The following GDF10 variants were observed in gnomAD, a reference collection of about 807,000 sequenced individuals.
The protein encoded by GDF10 is growth differentiation factor 10, also known as growth/differentiation factor 10.
Under a neutral mutation model 32.1 loss-of-function variants are expected in GDF10, and 23 were observed. The ratio of observed to expected loss-of-function variants is 0.72; its 90% CI spans 0.52 to 1.02. GDF10 has a LOEUF of 1.02. GDF10 is among the 50% of genes least tolerant of loss of function. The probability of loss-of-function intolerance (pLI) is 0.00; values close to 1 mark genes in which losing one functional copy is unlikely to be tolerated. For synonymous variants in GDF10, 328 were observed against 303.1 expected, an observed-to-expected ratio of 1.08 and a Z score of -0.85; for missense variants, 764 against 673.9, an observed-to-expected ratio of 1.13 and a Z score of -1.48.
rs565762148 is a variant in GDF10, at chr10:47,304,045, A to G, written c.319+3075A>G. On this transcript the variant is annotated intron_variant, in intron 1 of 2. Coordinates refer to ENST00000580279, the MANE Select transcript of GDF10 (RefSeq NM_004962.5). The stretch of plus-strand genomic sequence containing the variant: ...GGGTGCTGCGGGAGCCCAAAGGCGC[A>G]CTGACCTGGCAGGGGCAGAGCCTCT... 3.9e-5 allele frequency among the ~76,000 whole-genome samples: 6 copies of G among 152,284 alleles called. No individual in the cohort carries two copies. The South Asian group carries it at 1.2e-3, about 32-fold the overall frequency.
chr10:47,309,294 G>A (rs1027866489), intron 1 of GDF10, among the ~76,000 whole-genome samples: 1 of 152,238 alleles, frequency 6.6e-6, no homozygotes, highest in African/African-American at 2.4e-5. Flanking sequence ...GGTTTAATGT[G>A]AAGTGTATTT....
rs1467620538 is a variant in GDF10, at chr10:47,300,480, G to A, written c.-172G>A. The A allele has an allele frequency of 6.3e-5, 35 of 552,240 alleles. No individual in the cohort carries two copies. The highest frequency in any genetic ancestry group is 1.0e-4 in the Non-Finnish European group (34 of 329,638). 34.2% of individuals were successfully genotyped at this position (552,240 alleles called of 1,614,324 possible). A position where few individuals can be genotyped will look rare whatever the true frequency, so the allele number is the denominator to read the frequency against. On this transcript the variant is annotated 5_prime_UTR_variant, in exon 1 of 3. Transcript: ENST00000580279. ...GCCGGTACCCACGGACCGCGCGCCC[G>A]GGTGCCTGCTCCGCTAAGCCCCTCG...
At chr10:47,311,652 G>C (rs782393478) in intron 2 of GDF10, among the ~76,000 whole-genome samples, 5 of 152,350 alleles carry the variant, frequency 3.3e-5, no homozygotes, top group Non-Finnish European at 7.3e-5. Context: ...CTGACATAGA[G>C]ACGGAGCCTG....
In GDF10 at chr10:47,312,749, A is replaced by T; in HGVS notation, c.1394A>T (p.Lys465Met). The T allele has an allele frequency of 6.2e-7, 1 of 1,605,310 alleles. No homozygotes were observed. The highest frequency in any genetic ancestry group is 1.1e-5 in the South Asian group (1 of 89,060). The change falls in exon 3 of 3, where the codon AAG becomes ATG. Residue 465 changes from lysine (K) to methionine (M), a missense_variant. Lys to Met is a moderately conservative substitution (Grantham distance 95). Transcript: ENST00000580279. The stretch of plus-strand genomic sequence containing the variant: ...GATGAGAATCGGAATGTGGTTCTGA[A>T]GGTGTACCCCAACATGTCCGTGGAC... ...FLDENRNVVL[K>M]VYPNMSVDTC...
chr10:47,304,319 G>T (rs868910504), intron 1 of GDF10, among the ~76,000 whole-genome samples: 11 of 151,914 alleles, frequency 7.2e-5, no homozygotes, highest in Non-Finnish European at 2.9e-5. Flanking sequence ...AATATACAAC[G>T]TGCATGCGTA....
In GDF10 at chr10:47,300,759, G is replaced by T; in HGVS notation, c.108G>T (p.Arg36Ser). The T allele has an allele frequency of 6.4e-7, 1 of 1,565,620 alleles. No homozygotes were observed. Among genetic ancestry groups the T allele is most frequent in the Non-Finnish European group, 8.6e-7 (1 of 1,160,262 alleles). Reference protein sequence around the residue: ...LLLRDVAGSHRAPAWSALPAA... With the variant: ...LLLRDVAGSHSAPAWSALPAA... ...TCCGGGATGTGGCCGGCAGCCACAG[G>T]GCCCCCGCCTGGTCCGCACTGCCCG... Residue 36 changes from arginine to serine, a missense_variant, in exon 1 of 3, where the codon AGG becomes AGT. Coordinates refer to ENST00000580279, the MANE Select transcript of GDF10 (RefSeq NM_004962.5).
In GDF10 at chr10:47,312,690, C is replaced by A; in HGVS notation, c.1335C>A (p.Pro445=). The change falls in exon 3 of 3, where the codon CCC becomes CCA. Residue 445 remains proline (P), a synonymous_variant. Coordinates refer to ENST00000580279, the MANE Select transcript of GDF10 (RefSeq NM_004962.5). The part of the protein sequence containing the change: ...IPGIPEPCCV[P]DKMNSLGVLF... ...GCATCCCAGAGCCCTGCTGTGTTCC[C>A]GATAAGATGAACTCCCTTGGGGTCC... 6.2e-7 allele frequency: 1 copy of A among 1,610,278 alleles called. No individual in the cohort carries two copies. Among genetic ancestry groups the A allele is most frequent in the Admixed American group, 1.7e-5 (1 of 59,704 alleles).
chr10:47,302,016 C>T (rs898800794), intron 1 of GDF10, among the ~76,000 whole-genome samples: 2 of 152,222 alleles, frequency 1.3e-5, no homozygotes, highest in African/African-American at 4.8e-5. Flanking sequence ...CAAAGAGGCC[C>T]CATGCCCTCC....
chr10:47,310,802 T>C (rs1388675741), intron 2 of GDF10, 81 bp downstream of exon 2: 2 of 940,284 alleles, frequency 2.1e-6, no homozygotes, highest in Non-Finnish European at 1.7e-6. Flanking sequence ...GCAGGACTTC[T>C]GTTTCCCCAT....
chr10:47,305,334 T>C (rs1271892295), intron 1 of GDF10, among the ~76,000 whole-genome samples: 1 of 152,172 alleles, frequency 6.6e-6, no homozygotes, highest in Non-Finnish European at 1.5e-5. Context: ...GTGCAAATAC[T>C]CTATCCAGTT....
In GDF10 at chr10:47,300,793, G is replaced by T; in HGVS notation, c.142G>T (p.Asp48Tyr). Residue 48 changes from aspartate (D) to tyrosine (Y), a missense_variant, in exon 1 of 3, where the codon GAC (aspartate) becomes TAC (tyrosine). Coordinates refer to ENST00000580279, the MANE Select transcript of GDF10 (RefSeq NM_004962.5). Reference protein sequence around the residue: ...PAWSALPAAADGLQGDRDLQR... With the variant: ...PAWSALPAAAYGLQGDRDLQR... ...CTGGTCCGCACTGCCCGCGGCCGCC[G>T]ACGGCCTGCAGGGGGACAGGGATCT... 1 of 1,566,902 alleles carries T rather than the reference G, an allele frequency of 6.4e-7. No individual in the cohort carries two copies. Among genetic ancestry groups the T allele is most frequent in the Non-Finnish European group, 8.6e-7 (1 of 1,161,886 alleles).
Position 47,300,797 on chromosome 10 carries a change from G to T in GDF10, c.146G>T (p.Gly49Val), listed in dbSNP as rs781986457. 1.0e-5 allele frequency: 16 copies of T among 1,567,038 alleles called. No individual in the cohort carries two copies. In the East Asian group the frequency reaches 3.5e-4, roughly 34 times the overall value. ...AWSALPAAADGLQGDRDLQRH... is the reference protein window; with the variant it reads ...AWSALPAAADVLQGDRDLQRH... ...TCCGCACTGCCCGCGGCCGCCGACG[G>T]CCTGCAGGGGGACAGGGATCTCCAG... Residue 49 changes from glycine (G) to valine (V), a missense_variant, in exon 1 of 3, where the codon GGC (glycine) becomes GTC (valine). Gly to Val is a moderately radical substitution (Grantham distance 109). Coordinates refer to ENST00000580279, the MANE Select transcript of GDF10 (RefSeq NM_004962.5).
intron 1 of GDF10, among the ~76,000 whole-genome samples, chr10:47,305,493 C>G (rs900862811): frequency 1.1e-4 from 17 of 152,222 alleles, no homozygotes; most frequent in African/African-American, 4.1e-4. Flanking sequence ...GTTCCCTGCT[C>G]TTCTCTGCAG....
intron 1 of GDF10, among the ~76,000 whole-genome samples, chr10:47,305,634 G>T (rs2061020840): frequency 6.6e-6 from 1 of 152,148 alleles, no homozygotes; most frequent in South Asian, 2.1e-4. Context: ...AACCGTCTTG[G>T]AATCTTTTTA....
intron 1 of GDF10, among the ~76,000 whole-genome samples, chr10:47,306,039 G>A (rs181240751): frequency 2.0e-5 from 3 of 152,230 alleles, no homozygotes; most frequent in South Asian, 4.2e-4. Flanking sequence ...TACAAGCCCC[G>A]ACTCCACCCC....
In GDF10 at chr10:47,300,965, G is replaced by C. The variant is rs540908122; in HGVS notation, c.314G>C (p.Arg105Thr). The C allele has an allele frequency of 6.1e-6, 9 of 1,485,384 alleles. No individual in the cohort carries two copies. The African/African-American group carries it at 1.3e-4, about 22-fold the overall frequency. 92.0% of individuals were successfully genotyped at this position (1,485,384 alleles called of 1,614,324 possible). ...AACACGGTCCGCAGCTTCAGGGCCA[G>C]GCTGGGTAAGTAGAGGGTGCCCCAG... ...GGNTVRSFRARLEVVDQKAVY... is the reference protein window; with the variant it reads ...GGNTVRSFRATLEVVDQKAVY... Residue 105 changes from arginine (R) to threonine (T), a missense_variant, in exon 1 of 3, where the codon AGG (arginine) becomes ACG (threonine). Arg to Thr is a moderately conservative substitution (Grantham distance 71). Transcript: ENST00000580279.
chr10:47,308,118 G>A (rs1157074315), intron 1 of GDF10, among the ~76,000 whole-genome samples: 1 of 152,126 alleles, frequency 6.6e-6, no homozygotes, highest in Non-Finnish European at 1.5e-5. Context: ...CCCATCCATC[G>A]GTCAACCCCA....
chr10:47,310,040 C>T lies in GDF10; in HGVS notation c.564C>T (p.Arg188=), dbSNP rs781942768. The T allele has an allele frequency of 6.2e-7, 1 of 1,605,754 alleles. No individual in the cohort carries two copies. Among genetic ancestry groups the T allele is most frequent in the East Asian group, 2.2e-5 (1 of 44,696 alleles). The change falls in exon 2 of 3, where the codon CGC becomes CGT. Residue 188 remains arginine, a synonymous_variant. Coordinates refer to ENST00000580279, the MANE Select transcript of GDF10 (RefSeq NM_004962.5). ...SQNTATQGLL[R]GAMALAPPPR... is the part of the protein sequence containing the mutation. ...ACACGGCCACACAGGGGCTACTCCG[C>T]GGGGCCATGGCCCTGGCGCCCCCAC...
chr10:47,304,960 T>C (rs1206105737), intron 1 of GDF10, among the ~76,000 whole-genome samples: 1 of 152,068 alleles, frequency 6.6e-6, no homozygotes, highest in East Asian at 1.9e-4. Context: ...TTTTGAGACA[T>C]GAGTGCGATG....
Sources: allele counts gnomAD v4.1 joint callset (sites outside exome capture counted in the v4.1 genomes callset), GRCh38; gene constraint gnomAD v4.1.1; transcripts MANE v1.5; gene names NCBI Gene and HGNC (gene_info 2026-07-23, HGNC 2026-07-21).